CTNND2: variants seen among roughly 807,000 people sequenced by gnomAD.
CTNND2 encodes the protein catenin delta-2.
A neutral mutation model predicts 144.4 loss-of-function variants in CTNND2; 22 were observed. The ratio of observed to expected loss-of-function variants is 0.15; its 90% CI spans 0.11 to 0.22. CTNND2 has a LOEUF of 0.22. CTNND2 is among the 10% of genes least tolerant of loss of function. CTNND2 has a pLI of 1.00. For synonymous variants in CTNND2, 751 were observed against 695.6 expected, an observed-to-expected ratio of 1.08 and a Z score of -1.25; for missense variants, 1,353 against 1,618.8, an observed-to-expected ratio of 0.84 and a Z score of 2.82.
At chr5:11,433,878 G>A (rs1763522417) in intron 3 of CTNND2, among the ~76,000 whole-genome samples, 1 of 152,176 alleles carries the variant, frequency 6.6e-6, no homozygotes, top group African/African-American at 2.4e-5. Flanking sequence ...AGGTGGTTGT[G>A]TAAAACTGCC....
chr5:11,185,850 G>A (rs566121042), intron 11 of CTNND2, among the ~76,000 whole-genome samples: 28 of 152,172 alleles, frequency 1.8e-4, no homozygotes, highest in African/African-American at 4.6e-4. Context: ...TGTTGTGTTC[G>A]TTAACACTAG....
chr5:11,500,636 T>C (rs1770442551), intron 3 of CTNND2, among the ~76,000 whole-genome samples: 1 of 152,212 alleles, frequency 6.6e-6, no homozygotes, highest in Admixed American at 6.5e-5. Flanking sequence ...CAGGGTTGCA[T>C]ATTATTGTTG....
chr5:11,532,077 C>G (rs558868094), intron 3 of CTNND2, among the ~76,000 whole-genome samples: 1 of 152,158 alleles, frequency 6.6e-6, no homozygotes, highest in East Asian at 1.9e-4. Flanking sequence ...AGGAATGGCT[C>G]ACATCTATAA....
At chr5:11,368,311 A>C (rs1171257691) in intron 7 of CTNND2, among the ~76,000 whole-genome samples, 2 of 152,202 alleles carry the variant, frequency 1.3e-5, no homozygotes, top group African/African-American at 4.8e-5. Flanking sequence ...CCTCAGAGCC[A>C]TCTCTTCTTC....
intron 3 of CTNND2, among the ~76,000 whole-genome samples, chr5:11,439,834 T>C (rs969504376): frequency 4.6e-5 from 7 of 151,926 alleles, no homozygotes; most frequent in African/African-American, 1.5e-4. Context: ...TGTGTATGTA[T>C]ATATATTTAT....
At chr5:11,348,050 CA>C (rs1187515693) in intron 8 of CTNND2, among the ~76,000 whole-genome samples, 2 of 151,974 alleles carry the variant, frequency 1.3e-5, no homozygotes, top group African/African-American at 4.8e-5. Flanking sequence ...CGTGACATGA[CA>C]AAAATGACAA....
intron 20 of CTNND2, among the ~76,000 whole-genome samples, chr5:10,983,359 C>G (rs1365567543): frequency 6.6e-6 from 1 of 152,054 alleles, no homozygotes; most frequent in Non-Finnish European, 1.5e-5. Context: ...CACTCTAAAA[C>G]TAGGAAGGGC....
intron 16 of CTNND2, among the ~76,000 whole-genome samples, chr5:11,023,791 G>C (rs1414913901): frequency 6.6e-6 from 1 of 152,162 alleles, no homozygotes; most frequent in East Asian, 1.9e-4. Context: ...TACTTATAAT[G>C]ACATATTTAT....
chr5:11,787,882 C>G (rs900550226), intron 1 of CTNND2, among the ~76,000 whole-genome samples: 1 of 152,092 alleles, frequency 6.6e-6, no homozygotes, highest in Non-Finnish European at 1.5e-5. Flanking sequence ...CTTAGAAGTG[C>G]AAATAAATGA....
At chr5:11,308,158 C>A (rs1308324103) in intron 9 of CTNND2, among the ~76,000 whole-genome samples, 2 of 152,030 alleles carry the variant, frequency 1.3e-5, no homozygotes, top group African/African-American at 2.4e-5. Flanking sequence ...AGCAGCCCAA[C>A]TGGGCTGGGA....
At chr5:11,862,318 A>G (rs1449784668) in intron 1 of CTNND2, among the ~76,000 whole-genome samples, 1 of 152,336 alleles carries the variant, frequency 6.6e-6, no homozygotes, top group African/African-American at 2.4e-5. Flanking sequence ...GGCACTTGTT[A>G]TAGTAATTCA....
At chr5:11,025,726 A>G (rs1742753448) in intron 16 of CTNND2, among the ~76,000 whole-genome samples, 1 of 152,232 alleles carries the variant, frequency 6.6e-6, no homozygotes. Flanking sequence ...TAGTGAAATT[A>G]TAAGCACTAC....
chr5:11,328,468 T>C (rs569240061), intron 9 of CTNND2, among the ~76,000 whole-genome samples: 1 of 152,044 alleles, frequency 6.6e-6, no homozygotes, highest in South Asian at 2.1e-4. Flanking sequence ...TTTTTGTTGT[T>C]GTTTTTTGTA....
At chr5:11,894,393 T>C (rs1399159908) in intron 1 of CTNND2, among the ~76,000 whole-genome samples, 1 of 152,334 alleles carries the variant, frequency 6.6e-6, no homozygotes, top group South Asian at 2.1e-4. Context: ...GAATTACTTC[T>C]ACGGATGGAT....
At chr5:11,115,721 T>C (rs1753474207) in intron 13 of CTNND2, among the ~76,000 whole-genome samples, 1 of 152,210 alleles carries the variant, frequency 6.6e-6, no homozygotes, top group African/African-American at 2.4e-5. Context: ...GATGTGAACC[T>C]AACTGAGCAG....
At chr5:11,068,565 T>C (rs1747869113) in intron 16 of CTNND2, among the ~76,000 whole-genome samples, 1 of 152,158 alleles carries the variant, frequency 6.6e-6, no homozygotes, top group Non-Finnish European at 1.5e-5. Flanking sequence ...AAAAATTTGG[T>C]TTATAAAACC....
chr5:11,863,343 G>T, intron 1 of CTNND2, among the ~76,000 whole-genome samples: 1 of 152,104 alleles, frequency 6.6e-6, no homozygotes, highest in East Asian at 1.9e-4. Flanking sequence ...AAAGGATTTT[G>T]CTCAATGGGA....
At chr5:11,409,627 T>C (rs924289878) in intron 5 of CTNND2, among the ~76,000 whole-genome samples, 2 of 152,102 alleles carry the variant, frequency 1.3e-5, no homozygotes, top group African/African-American at 2.4e-5. Context: ...CACATCTTTA[T>C]AAGTTAAGAC....
chr5:11,389,302 T>C (rs984346338), intron 6 of CTNND2, among the ~76,000 whole-genome samples: 4 of 152,218 alleles, frequency 2.6e-5, no homozygotes, highest in African/African-American at 7.2e-5. Flanking sequence ...GATTCAACAG[T>C]TTCTGATAGG....
Sources: allele counts gnomAD v4.1 joint callset (sites outside exome capture counted in the v4.1 genomes callset), GRCh38; gene constraint gnomAD v4.1.1; transcripts MANE v1.5; gene names NCBI Gene and HGNC (gene_info 2026-07-23, HGNC 2026-07-21).